The following DPP6 variants were observed in gnomAD, a reference collection of about 807,000 sequenced individuals.
DPP6 encodes A-type potassium channel modulatory protein DPP6.
A neutral mutation model predicts 122.6 loss-of-function variants in DPP6; 69 were observed. That is an observed-to-expected ratio of 0.56 (90% CI 0.46 to 0.69). The LOEUF (loss-of-function observed/expected upper bound fraction) is 0.69. DPP6 is among the 30% of genes least tolerant of loss of function. The pLI is 0.00. For synonymous variants in DPP6, 418 were observed against 433.1 expected, an observed-to-expected ratio of 0.97 and a Z score of 0.43; for missense variants, 928 against 1,116.9, an observed-to-expected ratio of 0.83 and a Z score of 2.41.
intron 1 of DPP6, among the ~76,000 whole-genome samples, chr7:154,127,867 G>T (rs1009620205): frequency 6.6e-5 from 10 of 151,766 alleles, no homozygotes; most frequent in African/African-American, 2.2e-4. Context: ...GTAGCAGCAG[G>T]CTAAGCCACA....
intron 1 of DPP6, among the ~76,000 whole-genome samples, chr7:154,235,557 A>C (rs978700708): frequency 7.4e-6 from 1 of 134,378 alleles, no homozygotes; most frequent in Non-Finnish European, 1.5e-5. Context: ...TTTAATCAGC[A>C]CTTTGTTCCT....
In DPP6 at chr7:154,126,886, T is replaced by C. The variant is rs1434656556; in HGVS notation, c.243+73823T>C. On this transcript the variant is annotated intron_variant, in intron 1 of 25. Transcript: ENST00000377770. ...ACTTTCTGTGTAATTTGAGTCAAAA[T>C]ATCCCTATTTTCTAGTTATACCGAT... Among the ~76,000 whole-genome samples the C allele has an allele frequency of 2.0e-5, 3 of 152,310 alleles. No homozygotes were observed. The South Asian group carries it at 6.2e-4, about 32-fold the overall frequency.
Position 154,362,580 on chromosome 7 carries a change from A to ATTTTT in DPP6, c.244-83622_244-83618dup, listed in dbSNP as rs35131020. On this transcript the variant is annotated intron_variant, in intron 1 of 25. Coordinates refer to ENST00000377770, the MANE Select transcript of DPP6 (RefSeq NM_130797.4). The stretch of plus-strand genomic sequence containing the variant: ...CAGGTGTGCTTTATGATGCCATGCT[A>ATTTTT]TTTTTTTTTTTTTTTTGCATTTTTA... Among the ~76,000 whole-genome samples the ATTTTT allele has an allele frequency of 2.3e-3, 310 of 133,180 alleles. 1 individual carries two copies. The highest frequency in any genetic ancestry group is 8.3e-3 in the African/African-American group (299 of 36,138). 87.4% of individuals were successfully genotyped at this position (133,180 alleles called of 152,430 possible). A position where few individuals can be genotyped will look rare whatever the true frequency, so the allele number is the denominator to read the frequency against.
intron 1 of DPP6, among the ~76,000 whole-genome samples, chr7:154,085,288 A>T (rs1328570642): frequency 6.6e-6 from 1 of 151,998 alleles, no homozygotes; most frequent in Non-Finnish European, 1.5e-5. Flanking sequence ...TCCCATCGCC[A>T]CTCTCAAGCT....
chr7:153,765,166 T>C, the DPP6 span, among the ~76,000 whole-genome samples: 3 of 152,062 alleles, frequency 2.0e-5, no homozygotes, highest in Non-Finnish European at 4.4e-5. Context: ...TTTCATACCC[T>C]TTATTATTTT....
chr7:154,509,173 C>T (rs10227550), intron 3 of DPP6, among the ~76,000 whole-genome samples: 39,893 of 151,852 alleles, frequency 0.26, 5,421 homozygotes, highest in Non-Finnish European at 0.29. Flanking sequence ...TCAAAGGATA[C>T]CATGAAGAAA....
At chr7:154,804,064 C>A in intron 14 of DPP6, 109 bp downstream of exon 14, 1 of 1,324,852 alleles carries the variant, frequency 7.5e-7, no homozygotes, top group Non-Finnish European at 1.0e-6. Flanking sequence ...CCTCCTCTTT[C>A]CTCCTCAGGC....
At chr7:153,878,292 T>C in the DPP6 span, among the ~76,000 whole-genome samples, 1 of 152,124 alleles carries the variant, frequency 6.6e-6, no homozygotes, top group African/African-American at 2.4e-5. Flanking sequence ...TCTAGATATA[T>C]AGCCTTCAGA....
At chr7:154,392,235 T>C (rs1020522748) in intron 1 of DPP6, among the ~76,000 whole-genome samples, 2 of 152,160 alleles carry the variant, frequency 1.3e-5, no homozygotes, top group African/African-American at 4.8e-5. Flanking sequence ...ATGGCACCAC[T>C]GCACTCCAGC....
chr7:154,700,550 G>T (rs1309981650), intron 7 of DPP6, among the ~76,000 whole-genome samples: 4 of 152,226 alleles, frequency 2.6e-5, no homozygotes, highest in African/African-American at 9.6e-5. Flanking sequence ...TGCTGCTGTT[G>T]CACGTGATTT....
At chr7:153,864,482 C>A in the DPP6 span, among the ~76,000 whole-genome samples, 4 of 152,012 alleles carry the variant, frequency 2.6e-5, no homozygotes, top group South Asian at 2.1e-4. Flanking sequence ...TGGCAAAACC[C>A]CGTCTCTACT....
At chr7:153,819,778 T>C in the DPP6 span, among the ~76,000 whole-genome samples, 2 of 152,252 alleles carry the variant, frequency 1.3e-5, no homozygotes, top group Non-Finnish European at 2.9e-5. Flanking sequence ...AAATTATATA[T>C]GCATATTTTA....
chr7:153,974,818 C>A (rs1796210178), intron 1 of DPP6, among the ~76,000 whole-genome samples: 2 of 152,178 alleles, frequency 1.3e-5, no homozygotes, highest in South Asian at 4.1e-4. Flanking sequence ...GCTGCACAAT[C>A]TCTGTGCCCA....
In DPP6 at chr7:154,760,430, A is replaced by ACT. The variant is rs1345341757; in HGVS notation, c.884-8986_884-8985dup. Among the ~76,000 whole-genome samples the ACT allele has an allele frequency of 6.6e-6, 1 of 151,778 alleles. No homozygotes were observed. The highest frequency in any genetic ancestry group is 1.5e-5 in the Non-Finnish European group (1 of 67,980). The stretch of plus-strand genomic sequence containing the variant: ...CAGTTGACCAACTTGGTTCTGACAG[A>ACT]CTTCAGCCAGTTCTCTTATCTCGGG... On this transcript the variant is annotated intron_variant, in intron 8 of 25. Transcript: ENST00000377770. The surrounding 1 kb of genome is among the most constrained non-coding windows in gnomAD (Gnocchi z 4.5).
At chr7:154,518,099 T>G (rs1826676897) in intron 3 of DPP6, among the ~76,000 whole-genome samples, 1 of 152,232 alleles carries the variant, frequency 6.6e-6, no homozygotes, top group Admixed American at 6.5e-5. Context: ...AAACAATGTC[T>G]TGTACCGCAG....
At chr7:154,708,369 C>G (rs1288594672) in intron 7 of DPP6, among the ~76,000 whole-genome samples, 1 of 152,194 alleles carries the variant, frequency 6.6e-6, no homozygotes, top group East Asian at 1.9e-4. Context: ...CTTCAGTGTT[C>G]ACCTATGCTC....
chr7:154,783,157 A>C (rs1797129621), intron 10 of DPP6, among the ~76,000 whole-genome samples: 1 of 151,934 alleles, frequency 6.6e-6, no homozygotes. Context: ...TGTTTCCACC[A>C]CCTGCTTTCT....
chr7:153,836,261 C>G, the DPP6 span, among the ~76,000 whole-genome samples: 262 of 152,170 alleles, frequency 1.7e-3, no homozygotes, highest in African/African-American at 5.9e-3. Context: ...ATCTTTTTCA[C>G]AATTTATCGC....
chr7:154,592,594 G>A (rs1832866665), intron 5 of DPP6, among the ~76,000 whole-genome samples: 2 of 151,978 alleles, frequency 1.3e-5, no homozygotes, highest in East Asian at 1.9e-4. Flanking sequence ...GTAAAGGACA[G>A]GGAGCAAAGG....
Sources: gnomAD v4.1 joint callset for allele counts (sites outside exome capture counted in the v4.1 genomes callset) on GRCh38, gnomAD v4.1.1 for gene constraint, Gnocchi (gnomAD v3.1) non-coding constraint, MANE v1.5 for transcripts, NCBI Gene and HGNC (gene_info 2026-07-23, HGNC 2026-07-21) for gene names.